GRK5: variants seen among roughly 807,000 people sequenced by gnomAD.
The protein encoded by GRK5 is G protein-coupled receptor kinase 5, also known as g protein-coupled receptor kinase GRK5.
GRK5 carries 40 observed loss-of-function variants against 78.4 expected under a neutral mutation model. That is an observed-to-expected ratio of 0.51 (90% CI 0.40 to 0.66). GRK5 has a LOEUF of 0.66. GRK5 is among the 30% of genes least tolerant of loss of function. The pLI is 0.00. For synonymous variants in GRK5, 289 were observed against 296.8 expected, an observed-to-expected ratio of 0.97 and a Z score of 0.27; for missense variants, 598 against 759.9, an observed-to-expected ratio of 0.79 and a Z score of 2.50.
intron 2 of GRK5, among the ~76,000 whole-genome samples, chr10:119,346,359 C>G (rs1350566872): frequency 6.6e-6 from 1 of 152,260 alleles, no homozygotes; most frequent in Admixed American, 6.5e-5. Flanking sequence ...CCTGTCTTCA[C>G]ACCTCCACAG....
At chr10:119,306,529 A>G (rs1481554870) in intron 1 of GRK5, among the ~76,000 whole-genome samples, 1 of 152,106 alleles carries the variant, frequency 6.6e-6, no homozygotes, top group Non-Finnish European at 1.5e-5. Context: ...GATGTGTCCA[A>G]ACCCACACTG....
At position 119,453,208 on chromosome 10, in the gene GRK5, G is replaced by A; in HGVS notation, c.1606G>A (p.Asp536Asn). ...VFGPNGTLPP[D>N]LNRNHPPEPP... ...TGGACCTAATGGTACCCTCCCGCCA[G>A]ATCTGAACAGAAACCACCCTCCGGA... is the stretch of plus-strand genomic sequence containing the variant. The change falls in exon 15 of 16, where the codon GAT becomes AAT. Residue 536 changes from aspartate (D) to asparagine (N), a missense_variant. By Grantham distance (23) the Asp-to-Asn change is conservative. Coordinates refer to ENST00000392870, the MANE Select transcript of GRK5 (RefSeq NM_005308.3). The A allele has an allele frequency of 6.2e-7, 1 of 1,611,668 alleles. No individual in the cohort carries two copies. Among genetic ancestry groups the A allele is most frequent in the Non-Finnish European group, 8.5e-7 (1 of 1,177,806 alleles).
chr10:119,335,131 T>C (rs1024063171), intron 2 of GRK5: 16 of 60,748 alleles, frequency 2.6e-4, no homozygotes, highest in South Asian at 7.4e-4. Context: ...CTGCCTTGCC[T>C]CTCTCTCTCT....
chr10:119,236,983 T>C (rs1054051525), intron 1 of GRK5, among the ~76,000 whole-genome samples: 1 of 151,762 alleles, frequency 6.6e-6, no homozygotes, highest in Non-Finnish European at 1.5e-5. Context: ...TTGTCTCATA[T>C]CAAGTCCCCT....
At chr10:119,364,927 A>G (rs1462215517) in intron 2 of GRK5, among the ~76,000 whole-genome samples, 1 of 152,214 alleles carries the variant, frequency 6.6e-6, no homozygotes, top group Non-Finnish European at 1.5e-5. Context: ...CCACAATCAT[A>G]TTCTTTGATC....
chr10:119,428,434 G>A (rs1300227641), intron 6 of GRK5, among the ~76,000 whole-genome samples: 2 of 152,246 alleles, frequency 1.3e-5, no homozygotes, highest in Admixed American at 1.3e-4. Flanking sequence ...ATTCCTAGGA[G>A]TTCAAATAAT....
Position 119,430,537 on chromosome 10 carries a change from C to A in GRK5, c.597+99C>A. On this transcript the variant is annotated intron_variant, in intron 7 of 15. Coordinates refer to ENST00000392870, the MANE Select transcript of GRK5 (RefSeq NM_005308.3). This position sits in a 1 kb window ranked among gnomAD's most constrained non-coding sequence, Gnocchi z 4.5. The stretch of plus-strand genomic sequence containing the variant: ...CTAAAGGGTTGGCCCACGGGTCCCC[C>A]GGGGGCACCAGTGGCTCAATGTGGG... 9.3e-7 allele frequency: 1 copy of A among 1,078,188 alleles called. No homozygotes were observed. The highest frequency in any genetic ancestry group is 1.4e-6 in the Non-Finnish European group (1 of 732,062). The allele number at this position is 1,078,188 out of a possible 1,614,324, so 66.8% of individuals were successfully genotyped here. A position where few individuals can be genotyped will look rare whatever the true frequency, so the allele number is the denominator to read the frequency against.
intron 2 of GRK5, 53 bp from the exon 3 acceptor site, chr10:119,380,762 C>A: frequency 8.9e-7 from 1 of 1,126,590 alleles, no homozygotes; most frequent in Non-Finnish European, 1.3e-6. Flanking sequence ...GACAGGAAGG[C>A]CCTGCCTGGC....
intron 1 of GRK5, among the ~76,000 whole-genome samples, chr10:119,223,636 C>T (rs960240433): frequency 2.0e-5 from 3 of 151,666 alleles, no homozygotes; most frequent in South Asian, 2.1e-4. Context: ...TTTCTAGAGA[C>T]GGGGAGCTCA....
At chr10:119,335,739 T>C (rs150139148) in intron 2 of GRK5, among the ~76,000 whole-genome samples, 23 of 152,368 alleles carry the variant, frequency 1.5e-4, no homozygotes, top group South Asian at 4.1e-4. Flanking sequence ...ATTGCTGCAG[T>C]CACCGGACTT....
At chr10:119,382,654 C>T (rs1004009519) in intron 3 of GRK5, among the ~76,000 whole-genome samples, 9 of 152,260 alleles carry the variant, frequency 5.9e-5, no homozygotes, top group Admixed American at 5.9e-4. Context: ...AAAAATAGTA[C>T]TATCACAGCT....
chr10:119,278,019 C>A (rs1429133507), intron 1 of GRK5, among the ~76,000 whole-genome samples: 1 of 152,222 alleles, frequency 6.6e-6, no homozygotes, highest in Non-Finnish European at 1.5e-5. Context: ...TGTTTCTAGT[C>A]TCTCTATGGA....
intron 8 of GRK5, among the ~76,000 whole-genome samples, chr10:119,436,071 C>T (rs1852912117): frequency 6.6e-6 from 1 of 152,248 alleles, no homozygotes; most frequent in Admixed American, 6.5e-5. Flanking sequence ...AATTGTCTCC[C>T]ACTGGTCCCT....
chr10:119,344,872 C>CCTTCCTT (rs1650149707), intron 2 of GRK5, among the ~76,000 whole-genome samples: 16 of 73,662 alleles, frequency 2.2e-4, no homozygotes, highest in Admixed American at 2.1e-3. Flanking sequence ...ACAAGACCCA[C>CCTTCCTT]CCTTCCTTCC....
chr10:119,305,419 C>A (rs1850258128), intron 1 of GRK5, among the ~76,000 whole-genome samples: 1 of 152,220 alleles, frequency 6.6e-6, no homozygotes, highest in Admixed American at 6.5e-5. Flanking sequence ...GTGCCAGGCA[C>A]ATGTCCTAGG....
At chr10:119,441,848 G>A in intron 10 of GRK5, 151 bp from the exon 11 acceptor site, 1 of 632,004 alleles carries the variant, frequency 1.6e-6, no homozygotes. Flanking sequence ...CAAGGCTCTT[G>A]TGGTCACTCT....
chr10:119,207,886 C>G lies in GRK5; in HGVS notation c.-32C>G. 10 of 1,581,294 alleles carry G rather than the reference C, an allele frequency of 6.3e-6. No homozygotes were observed. Among genetic ancestry groups the G allele is most frequent in the Non-Finnish European group, 6.9e-6 (8 of 1,166,166 alleles). On this transcript the variant is annotated 5_prime_UTR_variant, in exon 1 of 16. Coordinates refer to ENST00000392870, the MANE Select transcript of GRK5 (RefSeq NM_005308.3). ...GCACCCCAGGCGCTGACAGCCCCGC[C>G]GGCCGGCTCCGTTGCTGACCGCCGA...
chr10:119,285,764 T>C (rs1404811652), intron 1 of GRK5, among the ~76,000 whole-genome samples: 1 of 151,974 alleles, frequency 6.6e-6, no homozygotes, highest in Non-Finnish European at 1.5e-5. Context: ...AAAAGCCATA[T>C]CCGTGGAGGT....
At chr10:119,325,254 CCACTT>C (rs1415806194) in intron 1 of GRK5, among the ~76,000 whole-genome samples, 1 of 152,224 alleles carries the variant, frequency 6.6e-6, no homozygotes, top group Admixed American at 6.5e-5. Flanking sequence ...CTTACTGTCT[CCACTT>C]CATGGATGAG....
Sources: gnomAD v4.1 joint callset for allele counts (sites outside exome capture counted in the v4.1 genomes callset) on GRCh38, gnomAD v4.1.1 for gene constraint, Gnocchi (gnomAD v3.1) non-coding constraint, MANE v1.5 for transcripts, NCBI Gene and HGNC (gene_info 2026-07-23, HGNC 2026-07-21) for gene names.